The following PRKN variants were observed in gnomAD, a reference collection of about 807,000 sequenced individuals.
The protein encoded by PRKN is parkin RBR E3 ubiquitin protein ligase.
Under a neutral mutation model 59.5 loss-of-function variants are expected in PRKN, and 56 were observed. That is an observed-to-expected ratio of 0.94 (90% CI 0.76 to 1.18). The LOEUF (loss-of-function observed/expected upper bound fraction) is 1.18. Among genes scored for constraint, PRKN ranks in the 50% most tolerant of loss-of-function variants. The probability of loss-of-function intolerance (pLI) is 0.00; values close to 1 mark genes in which losing one functional copy is unlikely to be tolerated. For missense variants in PRKN, 657 were observed against 596.4 expected (o/e 1.10, Z -1.06); for synonymous variants, 250 against 222.1 (o/e 1.13, Z -1.12).
rs2114919482 is a variant in PRKN at position 161,377,904 on chromosome 6, C to T, written c.1167+8890G>A. Among the ~76,000 whole-genome samples, 1 of 152,228 alleles carries T rather than the reference C, an allele frequency of 6.6e-6. No homozygotes were observed. Among genetic ancestry groups the T allele is most frequent in the African/African-American group, 2.4e-5 (1 of 41,536 alleles). Reference sequence around the variant, plus strand: ...ATCTTTGACTTCTGAGCCTCCAGAACTGGAAGGAATAAATGTGTGTTGTTT... The same window carrying T: ...ATCTTTGACTTCTGAGCCTCCAGAATTGGAAGGAATAAATGTGTGTTGTTT... On this transcript the variant is annotated intron_variant, in intron 10 of 11. Transcript: ENST00000366898. This position sits in a 1 kb window ranked among gnomAD's most constrained non-coding sequence, Gnocchi z 4.2.
intron 5 of PRKN, among the ~76,000 whole-genome samples, chr6:162,011,679 G>A (rs1484631651): frequency 6.7e-6 from 1 of 149,382 alleles, no homozygotes; most frequent in Non-Finnish European, 1.5e-5. Flanking sequence ...TTGTTCCATA[G>A]TGCATATTTA....
intron 5 of PRKN, among the ~76,000 whole-genome samples, chr6:162,027,385 T>C (rs1783474744): frequency 6.6e-6 from 1 of 152,162 alleles, no homozygotes; most frequent in Non-Finnish European, 1.5e-5. Flanking sequence ...ATGTTTGTGG[T>C]CCCTCTGGGC....
At chr6:162,175,047 G>A (rs1783469526) in intron 4 of PRKN, among the ~76,000 whole-genome samples, 2 of 152,322 alleles carry the variant, frequency 1.3e-5, no homozygotes, top group Non-Finnish European at 2.9e-5. Flanking sequence ...TTCACAGAAA[G>A]TTTAATTCAA....
chr6:161,955,023 G>A (rs1780118926), intron 6 of PRKN, among the ~76,000 whole-genome samples: 1 of 152,128 alleles, frequency 6.6e-6, no homozygotes, highest in South Asian at 2.1e-4. Flanking sequence ...ATGAAACAAT[G>A]GAGAGGAACA....
At chr6:161,653,940 G>C (rs1362470532) in intron 7 of PRKN, among the ~76,000 whole-genome samples, 1 of 152,116 alleles carries the variant, frequency 6.6e-6, no homozygotes, top group Non-Finnish European at 1.5e-5. Flanking sequence ...GCACAAAACA[G>C]AACTCTATTA....
At chr6:161,905,090 G>A (rs777731728) in intron 6 of PRKN, among the ~76,000 whole-genome samples, 10 of 152,028 alleles carry the variant, frequency 6.6e-5, no homozygotes, top group African/African-American at 2.2e-4. Flanking sequence ...GAGCCTGGGC[G>A]GTATTTTCAC....
chr6:162,621,543 C>T (rs1033188677), intron 1 of PRKN, among the ~76,000 whole-genome samples: 3 of 152,120 alleles, frequency 2.0e-5, no homozygotes, highest in African/African-American at 7.2e-5. Context: ...ATCAACCAGC[C>T]GAATCAGACA....
intron 7 of PRKN, among the ~76,000 whole-genome samples, chr6:161,715,434 C>A (rs928449754): frequency 6.6e-6 from 1 of 151,972 alleles, no homozygotes. Flanking sequence ...TTTTGTTTAT[C>A]TGTATGTTAT....
rs1171348630 is a variant in PRKN, at chr6:161,419,166, G to A, written c.1084-32289C>T. Among the ~76,000 whole-genome samples the A allele has an allele frequency of 6.6e-6, 1 of 152,178 alleles. No individual in the cohort carries two copies. Among genetic ancestry groups the A allele is most frequent in the African/African-American group, 2.4e-5 (1 of 41,442 alleles). ...TGAAAATGGTGAGAATCCTTTACGAGCTAACGTGCTACACAGAGTTTGATG... is the reference window on the plus strand; with the variant it reads ...TGAAAATGGTGAGAATCCTTTACGAACTAACGTGCTACACAGAGTTTGATG... On this transcript the variant is annotated intron_variant, in intron 9 of 11. Coordinates refer to ENST00000366898, the MANE Select transcript of PRKN (RefSeq NM_004562.3). The surrounding 1 kb of genome is among the most constrained non-coding windows in gnomAD (Gnocchi z 4.1).
At chr6:161,801,772 G>T (rs1257596368) in intron 6 of PRKN, among the ~76,000 whole-genome samples, 1 of 152,136 alleles carries the variant, frequency 6.6e-6, no homozygotes, top group Non-Finnish European at 1.5e-5. Context: ...TGAGGCGCAG[G>T]GAAGGCCTGT....
At chr6:162,699,747 G>C (rs576037962) in intron 1 of PRKN, among the ~76,000 whole-genome samples, 9 of 152,142 alleles carry the variant, frequency 5.9e-5, no homozygotes, top group Admixed American at 2.6e-4. Context: ...GGAGCCCTAG[G>C]GTCTCTGTGA....
At chr6:162,349,880 A>G (rs1784553907) in intron 2 of PRKN, among the ~76,000 whole-genome samples, 1 of 152,202 alleles carries the variant, frequency 6.6e-6, no homozygotes, top group South Asian at 2.1e-4. Context: ...ACTCCAGATA[A>G]ACAAAAGACA....
rs1437395772 is a variant in PRKN, at chr6:161,423,996, G to A, written c.1084-37119C>T. On this transcript the variant is annotated intron_variant, in intron 9 of 11. Coordinates refer to ENST00000366898, the MANE Select transcript of PRKN (RefSeq NM_004562.3). The surrounding 1 kb of genome is among the most constrained non-coding windows in gnomAD (Gnocchi z 5.9). ...GCACAAGGCTGGTATTGAGACTGGA[G>A]TACGGCATGTAGTGTTGAAGATAAA... Among the ~76,000 whole-genome samples the A allele has an allele frequency of 6.6e-6, 1 of 152,178 alleles. No homozygotes were observed. Among genetic ancestry groups the A allele is most frequent in the Non-Finnish European group, 1.5e-5 (1 of 68,040 alleles).
chr6:161,844,537 T>C (rs1793119608), intron 6 of PRKN, among the ~76,000 whole-genome samples: 1 of 152,260 alleles, frequency 6.6e-6, no homozygotes, highest in South Asian at 2.1e-4. Flanking sequence ...GGCTACTGGC[T>C]GCATGTGGCT....
At chr6:161,598,762 T>G (rs1026045083) in intron 7 of PRKN, among the ~76,000 whole-genome samples, 2 of 152,242 alleles carry the variant, frequency 1.3e-5, no homozygotes, top group Admixed American at 6.5e-5. Flanking sequence ...TCTTGTAACA[T>G]ACTTCTTCCA....
chr6:162,202,931 A>ATT (rs372604381), intron 3 of PRKN, among the ~76,000 whole-genome samples: 151 of 152,312 alleles, frequency 9.9e-4, no homozygotes, highest in African/African-American at 3.5e-3. Flanking sequence ...AACAAATCCA[A>ATT]TTTCACAATT....
At chr6:162,726,154 T>C (rs1289325729) in intron 1 of PRKN, among the ~76,000 whole-genome samples, 1 of 152,234 alleles carries the variant, frequency 6.6e-6, no homozygotes, top group Non-Finnish European at 1.5e-5. Flanking sequence ...AACTTATAAC[T>C]GAGTAATGTT....
intron 2 of PRKN, among the ~76,000 whole-genome samples, chr6:162,369,830 A>G (rs570665102): frequency 2.0e-5 from 3 of 152,274 alleles, no homozygotes; most frequent in Non-Finnish European, 4.4e-5. Context: ...CATAGCACTA[A>G]GGATGGCAGA....
intron 7 of PRKN, among the ~76,000 whole-genome samples, chr6:161,633,784 C>G (rs1383915563): frequency 6.6e-6 from 1 of 152,088 alleles, no homozygotes; most frequent in South Asian, 2.1e-4. Flanking sequence ...GTGACACCAT[C>G]TAGTTGACAG....
Sources: allele counts gnomAD v4.1 joint callset (sites outside exome capture counted in the v4.1 genomes callset), GRCh38; gene constraint gnomAD v4.1.1; non-coding constraint Gnocchi (gnomAD v3.1); transcripts MANE v1.5; gene names NCBI Gene and HGNC (gene_info 2026-07-23, HGNC 2026-07-21).